Variants in NEB observed in about 807,000 individuals in gnomAD.
The protein encoded by NEB is nebulin, also known as nemaline myopathy type 2.
In NEB, 512 loss-of-function variants were observed where a neutral mutation model predicts 952.2. That is an observed-to-expected ratio of 0.54 (90% confidence interval 0.50 to 0.58). NEB has a LOEUF of 0.58. NEB is among the 20% of genes least tolerant of loss of function. NEB has a pLI of 0.00. For missense variants in NEB, 8,428 were observed against 9,231.1 expected (o/e 0.91, Z 3.56); for synonymous variants, 2,900 against 3,149.8 (o/e 0.92, Z 2.66).
intron 116 of NEB, 22 bp from the exon 117 acceptor site, chr2:151,565,170 T>G: frequency 8.5e-7 from 1 of 1,173,104 alleles, no homozygotes; most frequent in Non-Finnish European, 1.2e-6. Flanking sequence ...AAACCAAATC[T>G]TTTATTACTA....
At chr2:151,576,061 T>C (rs2096818714) in intron 106 of NEB, 90 bp downstream of exon 106, 1 of 1,067,076 alleles carries the variant, frequency 9.4e-7, no homozygotes, top group African/African-American at 1.6e-5. Context: ...ATTAATAAAG[T>C]TTTTATTATT....
At chr2:151,685,709 A>G (rs1046715236) in intron 27 of NEB, among the ~76,000 whole-genome samples, 3 of 152,224 alleles carry the variant, frequency 2.0e-5, no homozygotes, top group Non-Finnish European at 4.4e-5. Flanking sequence ...GAATGGTTAG[A>G]CAAGGTGCTA....
At chr2:151,639,186 T>C in intron 63 of NEB, 94 bp downstream of exon 63, 3 of 989,048 alleles carry the variant, frequency 3.0e-6, no homozygotes, top group Non-Finnish European at 4.5e-6. Flanking sequence ...ATGAAAAAGA[T>C]TCTTTCTAAA....
chr2:151,702,957 A>G (rs998699318), intron 13 of NEB, among the ~76,000 whole-genome samples: 3 of 151,694 alleles, frequency 2.0e-5, no homozygotes, highest in Non-Finnish European at 2.9e-5. Flanking sequence ...CCTAGTCTCG[A>G]TGGTCTTTAC....
intron 38 of NEB, among the ~76,000 whole-genome samples, chr2:151,669,681 A>C (rs1293228053): frequency 2.0e-5 from 3 of 152,124 alleles, no homozygotes; most frequent in Non-Finnish European, 4.4e-5. Context: ...TATTAGACAG[A>C]AGGTGCAGAA....
At chr2:151,548,478 C>T in intron 130 of NEB, 63 bp from the exon 131 acceptor site, 1 of 1,150,530 alleles carries the variant, frequency 8.7e-7, no homozygotes, top group Non-Finnish European at 1.3e-6. Flanking sequence ...TTACATTTCT[C>T]CAAATAGAAA....
chr2:151,634,709 T>C (rs1014632658), intron 64 of NEB, among the ~76,000 whole-genome samples: 1 of 152,056 alleles, frequency 6.6e-6, no homozygotes, highest in African/African-American at 2.4e-5. Flanking sequence ...TCACCTGTAG[T>C]AGCAACCGAG....
chr2:151,696,724 T>G lies in NEB; in HGVS notation c.1482A>C (p.Lys494Asn), dbSNP rs776504909. Residue 494 changes from lysine (K) to asparagine (N), a missense_variant, in exon 17 of 182, where the codon AAA becomes AAC. This residue lies in a region of NEB where 2,851 missense variants were observed against 2,791.5 expected (regional missense o/e 1.02). Coordinates refer to ENST00000397345, the MANE Select transcript of NEB (RefSeq NM_001164508.2). ...KLDQCKDHTY[K>N]VHPDKTKFTQ... is the part of the protein sequence containing the mutation. Reference sequence around the variant, plus strand: ...TGAATTTTGTCTTATCTGGATGGACTTTGTAGGTGTGCTGTGGGGAAGCAA... The same window carrying G: ...TGAATTTTGTCTTATCTGGATGGACGTTGTAGGTGTGCTGTGGGGAAGCAA... 22 of 1,613,722 alleles carry G rather than the reference T, an allele frequency of 1.4e-5. No individual in the cohort carries two copies. Among genetic ancestry groups the G allele is most frequent in the Middle Eastern group, 1.6e-4 (1 of 6,062 alleles).
In NEB at chr2:151,607,299, C is replaced by G. The variant is rs1429935088; in HGVS notation, c.12639+205G>C. 6.8e-5 allele frequency among the ~76,000 whole-genome samples: 7 copies of G among 102,906 alleles called. 3 individuals carry two copies. The highest frequency in any genetic ancestry group is 1.3e-4 in the Non-Finnish European group (5 of 39,246). 67.5% of individuals were successfully genotyped at this position (102,906 alleles called of 152,430 possible). A position where few individuals can be genotyped will look rare whatever the true frequency, so the allele number is the denominator to read the frequency against. On this transcript the variant is annotated intron_variant, in intron 83 of 181. Coordinates refer to ENST00000397345, the MANE Select transcript of NEB (RefSeq NM_001164508.2). Reference sequence around the variant, plus strand: ...ATTCAGGTGTCCCATATCCTGCAGTCTAGGCACCCACCGATGTATCCAAGC... The same window carrying G: ...ATTCAGGTGTCCCATATCCTGCAGTGTAGGCACCCACCGATGTATCCAAGC...
intron 162 of NEB, among the ~76,000 whole-genome samples, chr2:151,507,476 C>T (rs1017304983): frequency 7.9e-5 from 12 of 152,200 alleles, no homozygotes; most frequent in African/African-American, 2.4e-4. Context: ...ATAAGCCTCT[C>T]CTTCCAGAAG....
intron 64 of NEB, among the ~76,000 whole-genome samples, chr2:151,634,446 A>T (rs1323340551): frequency 6.6e-6 from 1 of 152,148 alleles, no homozygotes; most frequent in African/African-American, 2.4e-5. Context: ...GATCAAGACC[A>T]TCCTGGCTAA....
intron 114 of NEB, among the ~76,000 whole-genome samples, chr2:151,566,567 A>G (rs1347134557): frequency 6.6e-6 from 1 of 152,190 alleles, no homozygotes; most frequent in Non-Finnish European, 1.5e-5. Context: ...TGTTCTGCAC[A>G]TGCAGAAGGC....
Position 151,656,448 on chromosome 2 carries a change from T to C in NEB, c.6200A>G (p.Asn2067Ser). Residue 2067 changes from asparagine to serine, a missense_variant, in exon 49 of 182, where the codon AAT becomes AGT. Asn to Ser is a conservative substitution (Grantham distance 46). This residue lies in a region of NEB where 2,851 missense variants were observed against 2,791.5 expected (regional missense o/e 1.02). Transcript: ENST00000397345. ...DIASDYKYKY[N>S]YEKGKGKMVG... The stretch of plus-strand genomic sequence containing the variant: ...CATTTTCCCCTTCCCTTTTTCATAA[T>C]TGTACTTGTATTTATACTGTGAAGA... 1 of 1,611,436 alleles carries C rather than the reference T, an allele frequency of 6.2e-7. No homozygotes were observed. Among genetic ancestry groups the C allele is most frequent in the Non-Finnish European group, 8.5e-7 (1 of 1,178,174 alleles).
intron 80 of NEB, 22 bp downstream of exon 80, chr2:151,610,494 G>A: frequency 6.4e-7 from 1 of 1,558,882 alleles, no homozygotes; most frequent in Non-Finnish European, 8.8e-7. Flanking sequence ...AGACCACAGA[G>A]AGTTAGATGG....
chr2:151,639,975 G>A lies in NEB; in HGVS notation c.8771C>T (p.Ala2924Val). Reference protein sequence around the residue: ...GSLDVEKCKRATEILSDKIYR... With the variant: ...GSLDVEKCKRVTEILSDKIYR... ...GATTTTATCACTCAAAATTTCAGTTGCCCTTTTGCATTTTTCCACATCCAA... is the reference window on the plus strand; with the variant it reads ...GATTTTATCACTCAAAATTTCAGTTACCCTTTTGCATTTTTCCACATCCAA... Residue 2924 changes from alanine (A) to valine (V), a missense_variant, in exon 62 of 182, where the codon GCA (alanine) becomes GTA (valine). Around this residue, in one of 11 missense-constraint regions of NEB, gnomAD observed 1,772 missense variants for 1,960.3 expected, o/e 0.90. Coordinates refer to ENST00000397345, the MANE Select transcript of NEB (RefSeq NM_001164508.2). The A allele has an allele frequency of 6.2e-7, 1 of 1,613,906 alleles. No individual in the cohort carries two copies. The highest frequency in any genetic ancestry group is 8.5e-7 in the Non-Finnish European group (1 of 1,179,846).
At position 151,706,964 on chromosome 2, in the gene NEB, CT is replaced by C; in HGVS notation, c.1068del (p.Gly357GlufsTer19). The C allele has an allele frequency of 6.3e-7, 1 of 1,595,024 alleles. No individual in the cohort carries two copies. Among genetic ancestry groups the C allele is most frequent in the Non-Finnish European group, 8.6e-7 (1 of 1,169,206 alleles). On this transcript the variant is annotated frameshift_variant, in exon 13 of 182. Coordinates refer to ENST00000397345, the MANE Select transcript of NEB (RefSeq NM_001164508.2). LOFTEE classifies it high-confidence loss of function. ...GGAAGCACATTATAATCTGCTTTTC[CT>C]TTATTCTTTTCATAGTCTTCTTTGT... ...VKYKEDYEKNKGKADYNVLPA... is the reference protein window; with the variant it reads ...VKYKEDYEKNXGKADYNVLPA...
At position 151,527,465 on chromosome 2, in the gene NEB, G is replaced by A. The variant is rs768934807; in HGVS notation, c.21840+16C>T. 2.5e-6 allele frequency: 4 copies of A among 1,586,768 alleles called. No individual in the cohort carries two copies. The highest frequency in any genetic ancestry group is 1.7e-5 in the Admixed American group (1 of 58,872). ...GCAGTATGCAGTTACAATCGTCTGT[G>A]TCTCTCCTGTCTTACATCGCTTTGC... On this transcript the variant is annotated intron_variant, in intron 147 of 181. Coordinates refer to ENST00000397345, the MANE Select transcript of NEB (RefSeq NM_001164508.2).
chr2:151,623,470 A>G (rs958612346), intron 71 of NEB, among the ~76,000 whole-genome samples: 1 of 152,132 alleles, frequency 6.6e-6, no homozygotes, highest in East Asian at 1.9e-4. Context: ...TCATTTTTAT[A>G]CCCCATTCTC....
intron 54 of NEB, among the ~76,000 whole-genome samples, chr2:151,647,224 C>A (rs995313039): frequency 7.2e-5 from 11 of 152,116 alleles, no homozygotes; most frequent in African/African-American, 2.7e-4. Flanking sequence ...AATTCTCCTG[C>A]CTCAGCTTCC....
Sources: gnomAD v4.1 joint callset for allele counts (sites outside exome capture counted in the v4.1 genomes callset) on GRCh38, gnomAD v4.1.1 for gene constraint, gnomAD v4.1.1 regional missense constraint, MANE v1.5 for transcripts, NCBI Gene and HGNC (gene_info 2026-07-23, HGNC 2026-07-21) for gene names.